ROBO1: variants seen among roughly 807,000 people sequenced by gnomAD.
ROBO1 encodes roundabout homolog 1.
Under a neutral mutation model 195.9 loss-of-function variants are expected in ROBO1, and 149 were observed. That is an observed-to-expected ratio of 0.76 (90% CI 0.67 to 0.87). The LOEUF (loss-of-function observed/expected upper bound fraction) is 0.87. Ranked by LOEUF, ROBO1 falls within the 40% of genes least tolerant of loss-of-function variation. The pLI, the probability that ROBO1 is intolerant of heterozygous loss-of-function variation, is 0.00. For synonymous variants in ROBO1, 816 were observed against 733.2 expected (o/e 1.11, Z -1.82); for missense variants, 1,933 against 2,068.3 (o/e 0.93, Z 1.27).
At chr3:79,416,619 C>G (rs557681297) in intron 2 of ROBO1, among the ~76,000 whole-genome samples, 2 of 147,400 alleles carry the variant, frequency 1.4e-5, no homozygotes, top group Non-Finnish European at 3.0e-5. Flanking sequence ...AAAAAAAAAC[C>G]GAAAGAAAGA....
rs74522828 is a variant in ROBO1, at chr3:79,067,974, C to T, written c.172+57482G>A. ...CACAGGTTTTGTTTCCTTACCTAGT[C>T]GGACTCTCCCTAAGCCAGCTGCCCC... is the stretch of plus-strand genomic sequence containing the variant. On this transcript the variant is annotated intron_variant, in intron 3 of 30. Transcript: ENST00000464233. Among the ~76,000 whole-genome samples, 994 of 151,912 alleles carry T rather than the reference C, an allele frequency of 6.5e-3. 16 individuals carry two copies. The highest frequency in any genetic ancestry group is 0.023 in the African/African-American group (949 of 41,490).
intron 2 of ROBO1, among the ~76,000 whole-genome samples, chr3:79,539,288 T>C (rs75315712): frequency 1.3e-5 from 2 of 152,090 alleles, no homozygotes. Context: ...CTTCCTGCCC[T>C]TTAGGGTAGA....
At chr3:79,337,493 T>C (rs2034727864) in intron 2 of ROBO1, among the ~76,000 whole-genome samples, 1 of 152,138 alleles carries the variant, frequency 6.6e-6, no homozygotes, top group Admixed American at 6.5e-5. Context: ...GAAGGACGTG[T>C]TTGCTTCCCC....
intron 4 of ROBO1, among the ~76,000 whole-genome samples, chr3:78,909,466 G>T (rs1162363913): frequency 6.6e-6 from 1 of 151,684 alleles, no homozygotes; most frequent in East Asian, 1.9e-4. Context: ...AAACACAAAG[G>T]TTATTTTTCT....
chr3:79,068,267 A>G (rs1020645761), intron 3 of ROBO1, among the ~76,000 whole-genome samples: 2 of 151,956 alleles, frequency 1.3e-5, no homozygotes, highest in Admixed American at 6.6e-5. Flanking sequence ...CAAACCCTCC[A>G]TCTACCCAGT....
chr3:79,763,152 A>C (rs934383650), intron 1 of ROBO1, among the ~76,000 whole-genome samples: 5 of 152,198 alleles, frequency 3.3e-5, no homozygotes, highest in African/African-American at 1.2e-4. Flanking sequence ...TAGGTATGAC[A>C]ATCAGGAGCA....
intron 2 of ROBO1, among the ~76,000 whole-genome samples, chr3:79,549,443 G>A (rs537138488): frequency 5.9e-5 from 9 of 152,136 alleles, no homozygotes; most frequent in South Asian, 2.1e-4. Flanking sequence ...TCGGCCCTCC[G>A]TATCTATGAG....
chr3:78,598,913 T>C lies in ROBO1; in HGVS notation c.4956A>G (p.Ter1652TrpextTer7), dbSNP rs764002076. 1.3e-6 allele frequency: 2 copies of C among 1,575,020 alleles called. No individual in the cohort carries two copies. The highest frequency in any genetic ancestry group is 1.2e-5 in the South Asian group (1 of 85,002). Residue 1652 changes from the stop codon to tryptophan, a stop_lost, in exon 31 of 31, where the codon TGA becomes TGG. Transcript: ENST00000464233. The part of the protein sequence containing the change: ...NNEELEETES[*>W] ...GATCTCATAAGCCTCTTGGTTGTCT[T>C]CAGCTTTCAGTTTCCTGTAAGAGAT...
At chr3:78,757,151 C>A (rs1442903136) in intron 4 of ROBO1, among the ~76,000 whole-genome samples, 1 of 152,126 alleles carries the variant, frequency 6.6e-6, no homozygotes, top group Non-Finnish European at 1.5e-5. Flanking sequence ...GTCAGCCTCC[C>A]AAAGTGGTGC....
At chr3:79,494,555 C>G (rs748960964) in intron 2 of ROBO1, among the ~76,000 whole-genome samples, 8 of 151,798 alleles carry the variant, frequency 5.3e-5, no homozygotes, top group East Asian at 1.9e-4. Flanking sequence ...GAAGATGAAA[C>G]AAAACAGAAG....
intron 3 of ROBO1, among the ~76,000 whole-genome samples, chr3:79,049,418 T>A (rs141522520): frequency 6.6e-6 from 1 of 152,112 alleles, no homozygotes; most frequent in Admixed American, 6.5e-5. Flanking sequence ...AAATCTACAT[T>A]TGATTGGTGT....
intron 2 of ROBO1, among the ~76,000 whole-genome samples, chr3:79,214,161 A>G (rs1256718402): frequency 6.6e-6 from 1 of 152,100 alleles, no homozygotes; most frequent in African/African-American, 2.4e-5. Flanking sequence ...AGGTGAGACC[A>G]TGGCAAATTG....
chr3:79,197,810 T>A (rs1392475411), intron 2 of ROBO1, among the ~76,000 whole-genome samples: 1 of 152,104 alleles, frequency 6.6e-6, no homozygotes, highest in East Asian at 1.9e-4. Flanking sequence ...CATTTTTTCA[T>A]AAGTTTGTTG....
At chr3:78,696,313 C>T (rs1458099907) in intron 8 of ROBO1, among the ~76,000 whole-genome samples, 1 of 152,064 alleles carries the variant, frequency 6.6e-6, no homozygotes, top group Non-Finnish European at 1.5e-5. Context: ...GGGGAAAAGC[C>T]TGTTTGTTTC....
At chr3:79,541,153 G>A (rs891356911) in intron 2 of ROBO1, among the ~76,000 whole-genome samples, 9 of 151,996 alleles carry the variant, frequency 5.9e-5, no homozygotes, top group African/African-American at 2.2e-4. Flanking sequence ...GTTTACGTTT[G>A]GAAATTGTAC....
intron 2 of ROBO1, among the ~76,000 whole-genome samples, chr3:79,295,453 TG>T (rs1279599973): frequency 6.6e-6 from 1 of 151,282 alleles, no homozygotes; most frequent in East Asian, 1.9e-4. Flanking sequence ...CTGTTGGGGG[TG>T]GGAGCTAGGG....
At chr3:78,787,592 G>A (rs2083876072) in intron 4 of ROBO1, among the ~76,000 whole-genome samples, 1 of 152,108 alleles carries the variant, frequency 6.6e-6, no homozygotes, top group Non-Finnish European at 1.5e-5. Context: ...ACCTATGTGC[G>A]GGTTTTACCT....
chr3:79,370,995 G>A (rs977606336), intron 2 of ROBO1, among the ~76,000 whole-genome samples: 2 of 152,096 alleles, frequency 1.3e-5, no homozygotes, highest in African/African-American at 4.8e-5. Flanking sequence ...CTCCATCCAT[G>A]TCCCTGCAAA....
intron 2 of ROBO1, among the ~76,000 whole-genome samples, chr3:79,212,488 T>C (rs538243683): frequency 6.6e-6 from 1 of 152,180 alleles, no homozygotes. Flanking sequence ...ACTGTCTTTT[T>C]TAGTGAATAA....
Sources: gnomAD v4.1 joint callset for allele counts (sites outside exome capture counted in the v4.1 genomes callset) on GRCh38, gnomAD v4.1.1 for gene constraint, MANE v1.5 for transcripts, NCBI Gene and HGNC (gene_info 2026-07-23, HGNC 2026-07-21) for gene names.